SNX29: variants seen among roughly 807,000 people sequenced by gnomAD.
The protein encoded by SNX29 is sorting nexin-29.
Under a neutral mutation model 102.1 loss-of-function variants are expected in SNX29, and 78 were observed. The observed-to-expected ratio is 0.76, with a 90% CI of 0.64 to 0.92. The LOEUF (loss-of-function observed/expected upper bound fraction) is 0.92, where lower values mean the gene tolerates loss of function less well. Among genes scored for constraint, SNX29 ranks in the 40% least tolerant of loss-of-function variants. The pLI, the probability that SNX29 is intolerant of heterozygous loss-of-function variation, is 0.00. For synonymous variants in SNX29, 580 were observed against 414.5 expected, an observed-to-expected ratio of 1.40 and a Z score of -4.85; for missense variants, 1,280 against 1,061.7, an observed-to-expected ratio of 1.21 and a Z score of -2.86.
chr16:12,186,735 C>G (rs1051106004), intron 13 of SNX29, among the ~76,000 whole-genome samples: 1 of 152,192 alleles, frequency 6.6e-6, no homozygotes, highest in Non-Finnish European at 1.5e-5. Context: ...CTGGGTCCCT[C>G]TTCTGGCCAG....
At chr16:12,566,387 C>G (rs549853606) in intron 20 of SNX29, among the ~76,000 whole-genome samples, 21 of 148,686 alleles carry the variant, frequency 1.4e-4, no homozygotes, top group Non-Finnish European at 2.1e-4. Flanking sequence ...AGGCACTGGC[C>G]TCTCCCAGGC....
intron 13 of SNX29, among the ~76,000 whole-genome samples, chr16:12,144,701 C>G (rs553076612): frequency 1.4e-4 from 21 of 152,352 alleles, no homozygotes; most frequent in African/African-American, 5.1e-4. Context: ...CAGCACAAAA[C>G]AGACTGAGAC....
chr16:12,115,017 G>C (rs115629068), intron 11 of SNX29, among the ~76,000 whole-genome samples: 1 of 152,062 alleles, frequency 6.6e-6, no homozygotes, highest in African/African-American at 2.4e-5. Flanking sequence ...AACTTCTCTC[G>C]GTCTTTCCAT....
In SNX29 at chr16:12,046,399, C is replaced by T; in HGVS notation, c.444C>T (p.Asp148=). ...CAATCTGCAGCACTTTTTATGAAGA[C>T]TGGTCTTTTGTGATGGATGAAGAAA... ...DRCRLSTFYE[D]WSFVMDEERS... The change falls in exon 6 of 21, where the codon GAC becomes GAT. Residue 148 remains aspartate, a synonymous_variant. Transcript: ENST00000566228. 5 of 1,613,736 alleles carry T rather than the reference C, an allele frequency of 3.1e-6. No homozygotes were observed. Among genetic ancestry groups the T allele is most frequent in the Non-Finnish European group, 4.2e-6 (5 of 1,179,692 alleles).
chr16:12,268,387 CG>C (rs2078996033), intron 14 of SNX29, among the ~76,000 whole-genome samples: 1 of 152,294 alleles, frequency 6.6e-6, no homozygotes, highest in South Asian at 2.1e-4. Flanking sequence ...CCCTGCTAAG[CG>C]GTAGAGCCAG....
intron 14 of SNX29, among the ~76,000 whole-genome samples, chr16:12,274,676 A>G (rs1480929505): frequency 6.6e-6 from 1 of 152,026 alleles, no homozygotes; most frequent in Non-Finnish European, 1.5e-5. Flanking sequence ...ACCTGGGACT[A>G]CAGGCATGTG....
chr16:12,154,457 T>C (rs141490743), intron 13 of SNX29, among the ~76,000 whole-genome samples: 1 of 152,288 alleles, frequency 6.6e-6, no homozygotes, highest in East Asian at 1.9e-4. Context: ...CAGCACTGGC[T>C]GTGGTTCCTA....
rs1309754941 is a variant in SNX29, at chr16:12,098,559, G to C, written c.1402+19644G>C. Among the ~76,000 whole-genome samples the C allele has an allele frequency of 6.6e-6, 1 of 152,140 alleles. No individual in the cohort carries two copies. The highest frequency in any genetic ancestry group is 2.4e-5 in the African/African-American group (1 of 41,430). ...CACCGTCGGTTTCATGTGCGCAGAC[G>C]ATTCAGTTTCATGCGCGCCCGATTC... On this transcript the variant is annotated intron_variant, in intron 11 of 20. Coordinates refer to ENST00000566228, the MANE Select transcript of SNX29 (RefSeq NM_032167.5). This position sits in a 1 kb window ranked among gnomAD's most constrained non-coding sequence, Gnocchi z 6.0.
chr16:12,359,815 A>G (rs189405875), intron 16 of SNX29, among the ~76,000 whole-genome samples: 3 of 152,120 alleles, frequency 2.0e-5, no homozygotes, highest in Admixed American at 2.0e-4. Flanking sequence ...TATCACACCT[A>G]TTTTTATTTT....
At chr16:12,553,150 G>T (rs1049803985) in intron 20 of SNX29, among the ~76,000 whole-genome samples, 1 of 152,202 alleles carries the variant, frequency 6.6e-6, no homozygotes, top group African/African-American at 2.4e-5. Flanking sequence ...CAGCTCTGGG[G>T]TCCTTCCTGG....
chr16:12,192,702 T>G (rs2076674239), intron 13 of SNX29, among the ~76,000 whole-genome samples: 1 of 151,616 alleles, frequency 6.6e-6, no homozygotes, highest in Non-Finnish European at 1.5e-5. Context: ...TTTATTTCAT[T>G]TATTTATTTA....
intron 15 of SNX29, among the ~76,000 whole-genome samples, chr16:12,284,325 C>T (rs980573699): frequency 2.0e-5 from 3 of 152,240 alleles, no homozygotes; most frequent in Non-Finnish European, 4.4e-5. Context: ...GAAATGCAGC[C>T]AGTCATACCT....
chr16:12,209,444 C>T (rs368987516), intron 14 of SNX29, among the ~76,000 whole-genome samples: 59 of 152,336 alleles, frequency 3.9e-4, no homozygotes, highest in African/African-American at 1.4e-3. Context: ...CCCACCTTGG[C>T]CTCCCAAAGT....
At chr16:12,355,086 A>G (rs1310436269) in intron 15 of SNX29, among the ~76,000 whole-genome samples, 1 of 152,116 alleles carries the variant, frequency 6.6e-6, no homozygotes, top group African/African-American at 2.4e-5. Context: ...GAAGAATTTT[A>G]ATTCTTTATA....
At chr16:12,536,105 G>C (rs2077070654) in intron 20 of SNX29, among the ~76,000 whole-genome samples, 1 of 152,202 alleles carries the variant, frequency 6.6e-6, no homozygotes, top group African/African-American at 2.4e-5. Context: ...GGACCAGAGA[G>C]AAGGGTGAAC....
intron 15 of SNX29, among the ~76,000 whole-genome samples, chr16:12,320,178 C>G (rs1337872768): frequency 6.6e-6 from 1 of 152,150 alleles, no homozygotes; most frequent in African/African-American, 2.4e-5. Context: ...CCGACCCTGA[C>G]TTCCCAGGGG....
At chr16:12,062,928 G>C (rs998082627) in intron 9 of SNX29, among the ~76,000 whole-genome samples, 1 of 152,214 alleles carries the variant, frequency 6.6e-6, no homozygotes, top group Non-Finnish European at 1.5e-5. Flanking sequence ...TTACTGCTCT[G>C]AGCGTCAGCA....
At chr16:12,251,426 G>T (rs1045638337) in intron 14 of SNX29, among the ~76,000 whole-genome samples, 2 of 152,160 alleles carry the variant, frequency 1.3e-5, no homozygotes, top group African/African-American at 4.8e-5. Context: ...TCATAGGCTG[G>T]GTACAGTGGC....
chr16:12,562,915 T>G (rs1454670918), intron 20 of SNX29, among the ~76,000 whole-genome samples: 1 of 152,102 alleles, frequency 6.6e-6, no homozygotes, highest in East Asian at 1.9e-4. Flanking sequence ...TTGAGATTCG[T>G]CCATGTTGCC....
Sources: allele counts gnomAD v4.1 joint callset (sites outside exome capture counted in the v4.1 genomes callset), GRCh38; gene constraint gnomAD v4.1.1; non-coding constraint Gnocchi (gnomAD v3.1); transcripts MANE v1.5; gene names NCBI Gene and HGNC (gene_info 2026-07-23, HGNC 2026-07-21).